The following NCK2 variants were observed in gnomAD, a reference collection of about 807,000 sequenced individuals.
NCK2 encodes NCK adaptor protein 2, also known as cytoplasmic protein NCK2.
In NCK2, 16 loss-of-function variants were observed where a neutral mutation model predicts 33.9. The observed-to-expected ratio is 0.47, with a 90% CI of 0.32 to 0.72. The LOEUF is 0.72. NCK2 is among the 30% of genes least tolerant of loss of function. The pLI is 0.03. For synonymous variants in NCK2, 273 were observed against 239.9 expected (o/e 1.14, Z -1.27); for missense variants, 418 against 537.3 (o/e 0.78, Z 2.19).
At chr2:105,776,114 G>A (rs960748044) in intron 1 of NCK2, among the ~76,000 whole-genome samples, 21 of 152,142 alleles carry the variant, frequency 1.4e-4, no homozygotes, top group African/African-American at 3.4e-4. Flanking sequence ...GTGTGGGTGC[G>A]GAGCAGGCCA....
chr2:105,802,357 A>G (rs1486872728), intron 1 of NCK2, among the ~76,000 whole-genome samples: 1 of 152,176 alleles, frequency 6.6e-6, no homozygotes, highest in Non-Finnish European at 1.5e-5. Flanking sequence ...TCCATTTTCC[A>G]TGGACATCTG....
intron 2 of NCK2, among the ~76,000 whole-genome samples, chr2:105,841,886 A>C (rs1400152925): frequency 6.6e-6 from 1 of 152,196 alleles, no homozygotes; most frequent in African/African-American, 2.4e-5. Context: ...AGATATTAAT[A>C]GACCCTTCAG....
At chr2:105,757,115 C>T (rs1379360474) in intron 1 of NCK2, among the ~76,000 whole-genome samples, 1 of 152,126 alleles carries the variant, frequency 6.6e-6, no homozygotes, top group Non-Finnish European at 1.5e-5. Context: ...CCATTCTGAA[C>T]TTTATTAATG....
At chr2:105,802,229 C>A (rs1036927046) in intron 1 of NCK2, among the ~76,000 whole-genome samples, 4 of 152,224 alleles carry the variant, frequency 2.6e-5, no homozygotes, top group Admixed American at 2.0e-4. Flanking sequence ...GATGTGCACA[C>A]ACCCTCTACC....
intron 1 of NCK2, among the ~76,000 whole-genome samples, chr2:105,783,309 C>T (rs1690562232): frequency 6.6e-6 from 1 of 152,222 alleles, no homozygotes; most frequent in Admixed American, 6.5e-5. Flanking sequence ...CGCCCTCCTC[C>T]TTTGGGGAGC....
At chr2:105,834,503 AT>A (rs200229213) in intron 2 of NCK2, among the ~76,000 whole-genome samples, 2 of 148,736 alleles carry the variant, frequency 1.3e-5, no homozygotes, top group Non-Finnish European at 3.0e-5. Flanking sequence ...TCTGTGGAAG[AT>A]TTTTTTTTCA....
chr2:105,762,032 A>C (rs1244931144), intron 1 of NCK2, among the ~76,000 whole-genome samples: 1 of 152,176 alleles, frequency 6.6e-6, no homozygotes, highest in Admixed American at 6.5e-5. Flanking sequence ...CGTTGACTAC[A>C]GTTGCAAGTG....
chr2:105,837,434 T>A (rs920561947), intron 2 of NCK2, among the ~76,000 whole-genome samples: 3 of 152,168 alleles, frequency 2.0e-5, no homozygotes, highest in African/African-American at 7.2e-5. Context: ...TGTGATTGTG[T>A]GGGGAGTGGT....
At chr2:105,840,087 A>G (rs1676582938) in intron 2 of NCK2, among the ~76,000 whole-genome samples, 1 of 152,130 alleles carries the variant, frequency 6.6e-6, no homozygotes, top group South Asian at 2.1e-4. Context: ...GCAAGAGGAG[A>G]CAGCTTCTGG....
At chr2:105,871,182 A>C (rs986682887) in intron 3 of NCK2, among the ~76,000 whole-genome samples, 3 of 152,014 alleles carry the variant, frequency 2.0e-5, no homozygotes, top group Admixed American at 2.0e-4. Flanking sequence ...CCCAGATCTG[A>C]GGCCACGATG....
chr2:105,831,618 G>A (rs1424494546), intron 2 of NCK2, among the ~76,000 whole-genome samples: 6 of 151,932 alleles, frequency 3.9e-5, no homozygotes, highest in South Asian at 2.1e-4. Context: ...ATGGATATCC[G>A]GTTTTCCTAC....
Position 105,745,540 on chromosome 2 carries a change from G to T in NCK2, c.-201+402G>T, listed in dbSNP as rs528833124. Among the ~76,000 whole-genome samples, 378 of 152,236 alleles carry T rather than the reference G, an allele frequency of 2.5e-3. 1 individual carries two copies. The highest frequency in any genetic ancestry group is 8.3e-3 in the African/African-American group (345 of 41,552). On this transcript the variant is annotated intron_variant, in intron 1 of 4. Transcript: ENST00000233154. Reference sequence around the variant, plus strand: ...GGCACGGAGCTCGGGGCTAGCGTGGGACCGTGCGGTGGCCAGGGTCGCCAG... The same window carrying T: ...GGCACGGAGCTCGGGGCTAGCGTGGTACCGTGCGGTGGCCAGGGTCGCCAG...
chr2:105,871,011 C>T (rs1237580620), intron 3 of NCK2, among the ~76,000 whole-genome samples: 8 of 152,000 alleles, frequency 5.3e-5, no homozygotes, highest in African/African-American at 1.2e-4. Flanking sequence ...GTCTGCTCAT[C>T]GTGATCCTGG....
chr2:105,814,738 G>T (rs1440224439), intron 1 of NCK2, among the ~76,000 whole-genome samples: 1 of 152,150 alleles, frequency 6.6e-6, no homozygotes, highest in Admixed American at 6.5e-5. Flanking sequence ...CTGTACATTT[G>T]GGCATTAGAA....
At chr2:105,844,747 GATATATAT>G (rs67123338) in intron 2 of NCK2, among the ~76,000 whole-genome samples, 3 of 133,618 alleles carry the variant, frequency 2.2e-5, no homozygotes, top group African/African-American at 5.8e-5. Context: ...GGCGGGGGGG[GATATATAT>G]ATATATATAT....
At chr2:105,854,989 C>A in intron 2 of NCK2, 59 bp from the exon 3 acceptor site, 2 of 1,330,042 alleles carry the variant, frequency 1.5e-6, no homozygotes, top group Non-Finnish European at 2.1e-6. Context: ...CAAGTTGGTG[C>A]AAAGGATGAA....
At chr2:105,840,901 A>G (rs1676618946) in intron 2 of NCK2, among the ~76,000 whole-genome samples, 1 of 151,438 alleles carries the variant, frequency 6.6e-6, no homozygotes, top group African/African-American at 2.5e-5. Context: ...ACGGAAAGGT[A>G]AAAGGCCGTG....
intron 2 of NCK2, among the ~76,000 whole-genome samples, chr2:105,818,869 AT>A (rs1395929225): frequency 6.6e-6 from 1 of 152,152 alleles, no homozygotes; most frequent in Non-Finnish European, 1.5e-5. Context: ...TCTTGTGAAT[AT>A]GTTCTTTCTC....
chr2:105,848,070 C>T (rs994086330), intron 2 of NCK2, among the ~76,000 whole-genome samples: 3 of 152,184 alleles, frequency 2.0e-5, no homozygotes, highest in Non-Finnish European at 4.4e-5. Flanking sequence ...TCCCCGTGAA[C>T]CTTATGTTCA....
Sources: allele counts gnomAD v4.1 joint callset (sites outside exome capture counted in the v4.1 genomes callset), GRCh38; gene constraint gnomAD v4.1.1; transcripts MANE v1.5; gene names NCBI Gene and HGNC (gene_info 2026-07-23, HGNC 2026-07-21).